The following MLLT3 variants were observed in gnomAD, a reference collection of about 807,000 sequenced individuals.
The protein encoded by MLLT3 is protein AF-9.
A neutral mutation model predicts 53.2 loss-of-function variants in MLLT3; 4 were observed. The observed-to-expected ratio is 0.08, with a 90% CI of 0.04 to 0.17. The LOEUF (loss-of-function observed/expected upper bound fraction) is 0.17, where lower values mean the gene tolerates loss of function less well. Among genes scored for constraint, MLLT3 ranks in the 10% least tolerant of loss-of-function variants. The probability of loss-of-function intolerance (pLI) is 1.00; values close to 1 mark genes in which losing one functional copy is unlikely to be tolerated. For missense variants in MLLT3, 569 were observed against 684.0 expected (o/e 0.83, Z 1.87); for synonymous variants, 283 against 230.6 (o/e 1.23, Z -2.06).
intron 5 of MLLT3, among the ~76,000 whole-genome samples, chr9:20,403,152 G>C (rs1449739519): frequency 6.6e-6 from 1 of 151,754 alleles, no homozygotes; most frequent in Non-Finnish European, 1.5e-5. Flanking sequence ...CTAGGATCTT[G>C]GGCAAGTTAT....
At chr9:20,385,626 G>T (rs1822014476) in intron 5 of MLLT3, among the ~76,000 whole-genome samples, 1 of 152,020 alleles carries the variant, frequency 6.6e-6, no homozygotes, top group African/African-American at 2.4e-5. Flanking sequence ...TTAATAATTT[G>T]TCCTAAAATG....
At chr9:20,372,068 A>G (rs891747032) in intron 5 of MLLT3, among the ~76,000 whole-genome samples, 2 of 152,222 alleles carry the variant, frequency 1.3e-5, no homozygotes, top group African/African-American at 4.8e-5. Context: ...CAAGATAACT[A>G]GAATTAGAAG....
chr9:20,396,959 CTT>C (rs1416113785), intron 5 of MLLT3, among the ~76,000 whole-genome samples: 1 of 152,162 alleles, frequency 6.6e-6, no homozygotes, highest in East Asian at 1.9e-4. Context: ...CATACACACA[CTT>C]TAAATATTTT....
chr9:20,425,765 A>C (rs1277849030), intron 4 of MLLT3, among the ~76,000 whole-genome samples: 1 of 152,094 alleles, frequency 6.6e-6, no homozygotes, highest in Non-Finnish European at 1.5e-5. Context: ...ATAATTGAGA[A>C]ATAGAAACAC....
chr9:20,447,157 G>T (rs1586955674), intron 4 of MLLT3, among the ~76,000 whole-genome samples: 1 of 152,036 alleles, frequency 6.6e-6, no homozygotes, highest in South Asian at 2.1e-4. Flanking sequence ...GGTTGTTCAT[G>T]TATCCAATAA....
intron 5 of MLLT3, among the ~76,000 whole-genome samples, chr9:20,395,105 G>T (rs1489887298): frequency 2.0e-5 from 3 of 152,118 alleles, no homozygotes; most frequent in African/African-American, 4.8e-5. Context: ...TGGAGCAAAT[G>T]AATTAGTCAC....
chr9:20,427,708 T>C lies in MLLT3; in HGVS notation c.421-13283A>G, dbSNP rs1342153781. ...AAAGACAGTAAGAAACAAGAGATCATGTATTAAAAAAAGAGCTAGTGGTAC... is the reference window on the plus strand; with the variant it reads ...AAAGACAGTAAGAAACAAGAGATCACGTATTAAAAAAAGAGCTAGTGGTAC... On this transcript the variant is annotated intron_variant, in intron 4 of 10. Coordinates refer to ENST00000380338, the MANE Select transcript of MLLT3 (RefSeq NM_004529.4). Among the ~76,000 whole-genome samples, 6 of 151,972 alleles carry C rather than the reference T, an allele frequency of 3.9e-5. No homozygotes were observed. The East Asian group carries it at 7.7e-4, about 20-fold the overall frequency.
At chr9:20,491,193 C>T (rs976672217) in intron 2 of MLLT3, among the ~76,000 whole-genome samples, 4 of 152,102 alleles carry the variant, frequency 2.6e-5, no homozygotes, top group Non-Finnish European at 5.9e-5. Flanking sequence ...CTTCTTCCTG[C>T]ATACTCAAAA....
intron 4 of MLLT3, among the ~76,000 whole-genome samples, chr9:20,445,056 A>C (rs1465011911): frequency 1.3e-5 from 2 of 151,726 alleles, no homozygotes; most frequent in Non-Finnish European, 2.9e-5. Context: ...AAGCCACTGC[A>C]CTCCAGCCTG....
At chr9:20,554,269 C>T (rs1302821310) in intron 2 of MLLT3, among the ~76,000 whole-genome samples, 1 of 152,052 alleles carries the variant, frequency 6.6e-6, no homozygotes, top group Non-Finnish European at 1.5e-5. Flanking sequence ...TTAAAAAAAT[C>T]TCAGTTCACA....
chr9:20,460,964 C>T (rs989452946), intron 2 of MLLT3, among the ~76,000 whole-genome samples: 1 of 152,146 alleles, frequency 6.6e-6, no homozygotes, highest in Non-Finnish European at 1.5e-5. Flanking sequence ...ATCAACTGGG[C>T]CAGAAGATCT....
At chr9:20,460,886 A>G (rs1824089916) in intron 2 of MLLT3, among the ~76,000 whole-genome samples, 2 of 152,218 alleles carry the variant, frequency 1.3e-5, no homozygotes, top group Admixed American at 6.5e-5. Flanking sequence ...GCCACAGAGG[A>G]AATTTTTCTT....
intron 2 of MLLT3, among the ~76,000 whole-genome samples, chr9:20,554,712 T>C (rs1819010148): frequency 6.6e-6 from 1 of 152,184 alleles, no homozygotes; most frequent in South Asian, 2.1e-4. Context: ...AAAGAGCAAA[T>C]GTATATAGCT....
chr9:20,441,853 T>C (rs1823563280), intron 4 of MLLT3, among the ~76,000 whole-genome samples: 2 of 152,260 alleles, frequency 1.3e-5, no homozygotes, highest in African/African-American at 2.4e-5. Flanking sequence ...AGGCACTGTC[T>C]AGATGAGTTT....
intron 4 of MLLT3, among the ~76,000 whole-genome samples, chr9:20,430,797 C>T (rs952539545): frequency 2.0e-5 from 3 of 151,852 alleles, no homozygotes; most frequent in Admixed American, 1.3e-4. Flanking sequence ...AGTAAAAAAG[C>T]CACTAACTGA....
intron 2 of MLLT3, among the ~76,000 whole-genome samples, chr9:20,551,044 G>A (rs778718317): frequency 1.3e-5 from 2 of 152,280 alleles, no homozygotes; most frequent in East Asian, 1.9e-4. Context: ...GATTACAGGC[G>A]TGGGCCACAG....
Position 20,620,862 on chromosome 9 carries a change from G to C in MLLT3, c.13-28C>G, listed in dbSNP as rs781561749. On this transcript the variant is annotated intron_variant, in intron 1 of 10. Transcript: ENST00000380338. This position sits in a 1 kb window ranked among gnomAD's most constrained non-coding sequence, Gnocchi z 6.1. ...GCGGGCAGGGGGAGGAGAGACAGCC[G>C]TGAATAACAGGAAGGCGAGGTTTCG... 1.4e-5 allele frequency: 22 copies of C among 1,611,132 alleles called. No homozygotes were observed. Among genetic ancestry groups the C allele is most frequent in the Non-Finnish European group, 1.9e-5 (22 of 1,178,420 alleles).
intron 2 of MLLT3, among the ~76,000 whole-genome samples, chr9:20,588,633 CCT>C (rs1397440163): frequency 6.6e-6 from 1 of 152,052 alleles, no homozygotes; most frequent in Non-Finnish European, 1.5e-5. Context: ...TCATGATTTG[CCT>C]CTCTGTTTGT....
chr9:20,355,108 A>AC (rs1237682838), intron 8 of MLLT3, among the ~76,000 whole-genome samples: 3 of 151,474 alleles, frequency 2.0e-5, no homozygotes, highest in Non-Finnish European at 2.9e-5. Context: ...AAAAAAAAAA[A>AC]AAAAAAAAAC....
Sources: gnomAD v4.1 joint callset for allele counts (sites outside exome capture counted in the v4.1 genomes callset) on GRCh38, gnomAD v4.1.1 for gene constraint, Gnocchi (gnomAD v3.1) non-coding constraint, MANE v1.5 for transcripts, NCBI Gene and HGNC (gene_info 2026-07-23, HGNC 2026-07-21) for gene names.